The following GOLM2 variants were observed in gnomAD, a reference collection of about 807,000 sequenced individuals.
The protein encoded by GOLM2 is protein GOLM2.
GOLM2 carries 26 observed loss-of-function variants against 55.9 expected under a neutral mutation model. That is an observed-to-expected ratio of 0.47 (90% CI 0.34 to 0.65). GOLM2 has a LOEUF of 0.65. Among genes scored for constraint, GOLM2 ranks in the 30% least tolerant of loss-of-function variants. GOLM2 has a pLI of 0.01. For synonymous variants in GOLM2, 165 were observed against 194.6 expected (o/e 0.85, Z 1.27); for missense variants, 486 against 531.8 (o/e 0.91, Z 0.85).
At chr15:44,331,376 G>A (rs1296223673) in intron 3 of GOLM2, among the ~76,000 whole-genome samples, 1 of 152,154 alleles carries the variant, frequency 6.6e-6, no homozygotes, top group Non-Finnish European at 1.5e-5. Context: ...TTCTATATGT[G>A]TGTTAACTGT....
At chr15:44,312,414 C>G (rs1305090784) in intron 1 of GOLM2, among the ~76,000 whole-genome samples, 1 of 151,972 alleles carries the variant, frequency 6.6e-6, no homozygotes, top group Non-Finnish European at 1.5e-5. Flanking sequence ...CCTGCTTGAC[C>G]AAGAATTGGA....
chr15:44,322,845 A>G, intron 1 of GOLM2, 120 bp from the exon 2 acceptor site: 1 of 615,242 alleles, frequency 1.6e-6, no homozygotes, highest in Non-Finnish European at 2.8e-6. Flanking sequence ...GAGGTAGAGT[A>G]TAAATAAATA....
At chr15:44,370,293 G>C (rs189948806) in intron 6 of GOLM2, among the ~76,000 whole-genome samples, 72 of 152,252 alleles carry the variant, frequency 4.7e-4, no homozygotes, top group Admixed American at 4.1e-3. Context: ...ATTCTGTCAG[G>C]CTTGTTTATG....
chr15:44,300,469 G>A (rs1045169069), intron 1 of GOLM2, among the ~76,000 whole-genome samples: 1 of 152,082 alleles, frequency 6.6e-6, no homozygotes, highest in East Asian at 1.9e-4. Flanking sequence ...AAAGGACTGA[G>A]TAATCTCAGG....
intron 6 of GOLM2, among the ~76,000 whole-genome samples, chr15:44,347,516 A>G (rs973433974): frequency 2.0e-5 from 3 of 152,138 alleles, no homozygotes; most frequent in African/African-American, 7.2e-5. Context: ...GACTAACCCT[A>G]GTCAGAGGGG....
chr15:44,378,391 CT>C (rs1256451991), intron 6 of GOLM2, among the ~76,000 whole-genome samples: 1 of 142,642 alleles, frequency 7.0e-6, no homozygotes, highest in Non-Finnish European at 1.5e-5. Flanking sequence ...AGTTTTCACT[CT>C]TATCGCCCAG....
intron 6 of GOLM2, among the ~76,000 whole-genome samples, chr15:44,370,697 C>G (rs931842915): frequency 6.6e-6 from 1 of 151,872 alleles, no homozygotes; most frequent in South Asian, 2.1e-4. Context: ...GAATTTTAGC[C>G]TTTTTTGTGT....
intron 6 of GOLM2, among the ~76,000 whole-genome samples, chr15:44,366,025 C>T (rs551619979): frequency 2.1e-3 from 318 of 152,136 alleles, no homozygotes; most frequent in Non-Finnish European, 3.7e-3. Flanking sequence ...TGGCCGAGCG[C>T]GGTGGCTCAC....
At chr15:44,375,071 G>A (rs2079354880) in intron 6 of GOLM2, among the ~76,000 whole-genome samples, 1 of 152,088 alleles carries the variant, frequency 6.6e-6, no homozygotes, top group African/African-American at 2.4e-5. Context: ...AGGCTAGAGT[G>A]CAGTGGTGCT....
intron 8 of GOLM2, 89 bp downstream of exon 8, chr15:44,381,065 T>C (rs1485950267): frequency 3.9e-6 from 3 of 768,986 alleles, no homozygotes; most frequent in Non-Finnish European, 5.6e-6. Context: ...CTCTAATAAA[T>C]GTATAGTGAA....
intron 6 of GOLM2, among the ~76,000 whole-genome samples, chr15:44,359,055 C>CA (rs971245794): frequency 9.9e-5 from 15 of 151,860 alleles, no homozygotes; most frequent in Non-Finnish European, 1.8e-4. Flanking sequence ...GAGGCTGAGG[C>CA]AGGAGAATGG....
intron 2 of GOLM2, among the ~76,000 whole-genome samples, chr15:44,325,535 AGAAG>A (rs1485211330): frequency 6.6e-6 from 1 of 152,248 alleles, no homozygotes; most frequent in Non-Finnish European, 1.5e-5. Context: ...AGCCTGAATC[AGAAG>A]GGACTGTAAT....
At position 44,380,823 on chromosome 15, in the gene GOLM2, A is replaced by G. The variant is rs139631215; in HGVS notation, c.919A>G (p.Asn307Asp). 1.3e-6 allele frequency: 2 copies of G among 1,552,804 alleles called. No individual in the cohort carries two copies. Among genetic ancestry groups the G allele is most frequent in the Admixed American group, 1.9e-5 (1 of 52,700 alleles). The change falls in exon 8 of 10, where the codon AAT (asparagine) becomes GAT (aspartate). Residue 307 changes from asparagine to aspartate, a missense_variant. Asn to Asp is a conservative substitution (Grantham distance 23, BLOSUM62 1). Transcript: ENST00000299957. ...NMPPDSHINH[N>D]GNPGTSKQNP... ...TGCCACAGATTCACACATAAACCACAATGGAAACCCCGGTACTTCAAAACA... is the reference window on the plus strand; with the variant it reads ...TGCCACAGATTCACACATAAACCACGATGGAAACCCCGGTACTTCAAAACA...
intron 1 of GOLM2, among the ~76,000 whole-genome samples, chr15:44,290,294 C>T (rs1226491869): frequency 6.6e-6 from 1 of 152,148 alleles, no homozygotes; most frequent in Non-Finnish European, 1.5e-5. Context: ...AATTTCTGGG[C>T]AGGATAGTAG....
At chr15:44,405,041 T>C (rs1430183573) in intron 9 of GOLM2, among the ~76,000 whole-genome samples, 2 of 152,130 alleles carry the variant, frequency 1.3e-5, no homozygotes, top group Non-Finnish European at 2.9e-5. Context: ...TGTCAGAAAA[T>C]TTTGATTTAA....
chr15:44,305,295 CA>C (rs1323573096), intron 1 of GOLM2, among the ~76,000 whole-genome samples: 7 of 152,028 alleles, frequency 4.6e-5, no homozygotes, highest in African/African-American at 1.7e-4. Flanking sequence ...TGCCCAGCCA[CA>C]AATTATTATA....
chr15:44,325,721 C>G (rs921553336), intron 2 of GOLM2, among the ~76,000 whole-genome samples: 1 of 152,176 alleles, frequency 6.6e-6, no homozygotes, highest in African/African-American at 2.4e-5. Flanking sequence ...CTAGTTTGAT[C>G]CCTTAGCCAC....
chr15:44,401,939 C>T (rs2079568207), intron 8 of GOLM2, among the ~76,000 whole-genome samples: 1 of 151,176 alleles, frequency 6.6e-6, no homozygotes, highest in Non-Finnish European at 1.5e-5. Flanking sequence ...AAGCAATTCT[C>T]CTGCCTCAGC....
chr15:44,323,153 A>G lies in GOLM2; in HGVS notation c.382+134A>G, dbSNP rs532413538. 1.1e-5 allele frequency: 6 copies of G among 549,482 alleles called. No individual in the cohort carries two copies. In the East Asian group the frequency reaches 1.6e-4, roughly 15 times the overall value. The allele number at this position is 549,482 out of a possible 1,614,324, so 34.0% of individuals were successfully genotyped here. On this transcript the variant is annotated intron_variant, in intron 2 of 9. Coordinates refer to ENST00000299957, the MANE Select transcript of GOLM2 (RefSeq NM_138423.4). ...AAACTCCTCTGATGGTAAAACATTTATCCTTTTGCCTTAAGATATAATAAA... is the reference window on the plus strand; with the variant it reads ...AAACTCCTCTGATGGTAAAACATTTGTCCTTTTGCCTTAAGATATAATAAA...
Sources: gnomAD v4.1 joint callset for allele counts (sites outside exome capture counted in the v4.1 genomes callset) on GRCh38, gnomAD v4.1.1 for gene constraint, MANE v1.5 for transcripts, NCBI Gene and HGNC (gene_info 2026-07-23, HGNC 2026-07-21) for gene names.